NKAIN3: variants seen among roughly 807,000 people sequenced by gnomAD.
The protein encoded by NKAIN3 is sodium/potassium-transporting ATPase subunit beta-1-interacting protein 3.
In NKAIN3, 25 loss-of-function variants were observed where a neutral mutation model predicts 30.2. The ratio of observed to expected loss-of-function variants is 0.83; its 90% CI spans 0.60 to 1.16. The LOEUF (loss-of-function observed/expected upper bound fraction) is 1.16. Among genes scored for constraint, NKAIN3 ranks in the 50% most tolerant of loss-of-function variants. The probability of loss-of-function intolerance (pLI) is 0.00; values close to 1 mark genes in which losing one functional copy is unlikely to be tolerated. For missense variants in NKAIN3, 225 were observed against 254.1 expected (o/e 0.89, Z 0.78); for synonymous variants, 91 against 89.6 (o/e 1.02, Z -0.09).
rs1805236825 is a variant in NKAIN3, at chr8:62,438,575, T to C, written c.55-140964T>C. On this transcript the variant is annotated intron_variant, in intron 1 of 6. Coordinates refer to ENST00000623646, the MANE Select transcript of NKAIN3 (RefSeq NM_001304533.3). ...GTCATGAATAGCCACTATTTTTTTT[T>C]CTTTGAGAAGGAGGCTCACTCTGTC... is the stretch of plus-strand genomic sequence containing the variant. 2.6e-5 allele frequency among the ~76,000 whole-genome samples: 4 copies of C among 152,270 alleles called. No homozygotes were observed. The South Asian group carries it at 8.3e-4, about 32-fold the overall frequency.
At chr8:62,335,949 G>C (rs555100710) in intron 1 of NKAIN3, among the ~76,000 whole-genome samples, 2 of 152,104 alleles carry the variant, frequency 1.3e-5, no homozygotes, top group South Asian at 4.1e-4. Flanking sequence ...CTAGTTGAAA[G>C]GGTTCATCAG....
At chr8:62,644,390 A>T (rs1441043086) in intron 3 of NKAIN3, among the ~76,000 whole-genome samples, 1 of 151,914 alleles carries the variant, frequency 6.6e-6, no homozygotes, top group Non-Finnish European at 1.5e-5. Context: ...CAACATCCTG[A>T]TTAAGAAATA....
chr8:62,482,076 A>G (rs868779273), intron 1 of NKAIN3: 1 of 152,198 alleles, frequency 6.6e-6, no homozygotes, highest in African/African-American at 2.4e-5. Flanking sequence ...CCATCTCCCT[A>G]TCGTCACTTC....
intron 4 of NKAIN3, among the ~76,000 whole-genome samples, chr8:62,904,551 A>G (rs1455580): frequency 0.043 from 6,523 of 152,172 alleles, 405 homozygotes; most frequent in African/African-American, 0.13. Context: ...CATGGCAATA[A>G]CTCTGATGCA....
chr8:62,313,723 C>A (rs1232694874), intron 1 of NKAIN3, among the ~76,000 whole-genome samples: 1 of 152,160 alleles, frequency 6.6e-6, no homozygotes, highest in African/African-American at 2.4e-5. Flanking sequence ...AGAGTCCTTT[C>A]AAAAACTGTG....
rs925820947 is a variant in NKAIN3 at position 62,307,476 on chromosome 8, C to T, written c.54+58349C>T. Among the ~76,000 whole-genome samples the T allele has an allele frequency of 4.7e-5, 7 of 149,740 alleles. 2 individuals are homozygous for T. Among genetic ancestry groups the T allele is most frequent in the South Asian group, 4.1e-4 (2 of 4,822 alleles). ...ACTTGTCTTTTTTGAGCACCATGTG[C>T]GTCAGACACTTTACTAAGTACTAGG... On this transcript the variant is annotated intron_variant, in intron 1 of 6. Transcript: ENST00000623646.
At chr8:62,776,078 A>G (rs1586183719) in intron 4 of NKAIN3, among the ~76,000 whole-genome samples, 4 of 152,064 alleles carry the variant, frequency 2.6e-5, no homozygotes, top group African/African-American at 9.7e-5. Flanking sequence ...CCTGATATAA[A>G]TATGCCTACT....
intron 1 of NKAIN3, among the ~76,000 whole-genome samples, chr8:62,318,860 G>A (rs1814762877): frequency 6.6e-6 from 1 of 152,140 alleles, no homozygotes; most frequent in Admixed American, 6.5e-5. Context: ...AATGAGTTAG[G>A]GAGGATTCCC....
intron 4 of NKAIN3, among the ~76,000 whole-genome samples, chr8:62,819,154 T>TATATATATATAC (rs1554581355): frequency 2.1e-3 from 69 of 32,698 alleles, no homozygotes; most frequent in African/African-American, 4.9e-3. Flanking sequence ...TATATATACA[T>TATATATATATAC]ATATATATAT....
intron 1 of NKAIN3, among the ~76,000 whole-genome samples, chr8:62,286,437 G>A (rs1480436964): frequency 6.6e-6 from 1 of 152,016 alleles, no homozygotes; most frequent in African/African-American, 2.4e-5. Context: ...AAGCTAGAAG[G>A]AACAATACTG....
At chr8:62,643,632 G>A (rs981929689) in intron 3 of NKAIN3, among the ~76,000 whole-genome samples, 2 of 152,058 alleles carry the variant, frequency 1.3e-5, no homozygotes, top group Admixed American at 6.6e-5. Context: ...CAGAACATAG[G>A]GGGCAATAGG....
At chr8:62,368,506 T>C (rs1393160504) in intron 1 of NKAIN3, among the ~76,000 whole-genome samples, 3 of 152,116 alleles carry the variant, frequency 2.0e-5, no homozygotes, top group Non-Finnish European at 2.9e-5. Context: ...CACGTGAAAG[T>C]TGTCAGAATC....
intron 3 of NKAIN3, among the ~76,000 whole-genome samples, chr8:62,605,768 T>G (rs1811106077): frequency 6.6e-6 from 1 of 152,092 alleles, no homozygotes; most frequent in African/African-American, 2.4e-5. Context: ...TATTATTTTA[T>G]TTCAGGGATT....
intron 3 of NKAIN3, among the ~76,000 whole-genome samples, chr8:62,736,335 C>A (rs1815671888): frequency 6.6e-6 from 1 of 152,132 alleles, no homozygotes; most frequent in African/African-American, 2.4e-5. Flanking sequence ...GTCAAACTCT[C>A]CTTGGGCAAG....
intron 1 of NKAIN3, among the ~76,000 whole-genome samples, chr8:62,272,581 A>G (rs1812812467): frequency 6.6e-6 from 1 of 152,202 alleles, no homozygotes; most frequent in South Asian, 2.1e-4. Context: ...AATTGTACTC[A>G]GTACCAGCTT....
At chr8:62,672,129 C>T (rs1284159797) in intron 3 of NKAIN3, among the ~76,000 whole-genome samples, 2 of 152,170 alleles carry the variant, frequency 1.3e-5, no homozygotes, top group Non-Finnish European at 2.9e-5. Context: ...GCTCAGGCAA[C>T]CAACAAGTGT....
In NKAIN3 at chr8:62,885,115, A is replaced by G. The variant is rs911696323; in HGVS notation, c.472-33338A>G. On this transcript the variant is annotated intron_variant, in intron 4 of 6. Coordinates refer to ENST00000623646, the MANE Select transcript of NKAIN3 (RefSeq NM_001304533.3). Reference sequence around the variant, plus strand: ...TATGTTGCTTTTATCTAATGTTTGTATTCAATGCTATACAGTTCTCTTTAA... The same window carrying G: ...TATGTTGCTTTTATCTAATGTTTGTGTTCAATGCTATACAGTTCTCTTTAA... Among the ~76,000 whole-genome samples, 7 of 152,282 alleles carry G rather than the reference A, an allele frequency of 4.6e-5. No individual in the cohort carries two copies. The South Asian group carries it at 1.2e-3, about 27-fold the overall frequency.
Position 62,802,137 on chromosome 8 carries a change from G to A in NKAIN3, c.471+55008G>A, listed in dbSNP as rs569046872. On this transcript the variant is annotated intron_variant, in intron 4 of 6. Coordinates refer to ENST00000623646, the MANE Select transcript of NKAIN3 (RefSeq NM_001304533.3). ...AACTATGTGAAAAGACCAAATCTAC[G>A]TCTGATTGGTGTACCTGAAAGTGAC... Among the ~76,000 whole-genome samples, 12 of 152,298 alleles carry A rather than the reference G, an allele frequency of 7.9e-5. 1 individual carries two copies. The highest frequency in any genetic ancestry group is 3.9e-4 in the East Asian group (2 of 5,180).
intron 1 of NKAIN3, 116 bp downstream of exon 1, chr8:62,249,243 TCCGCCCGCCTCCCACCCTCCCCACCGC>T: frequency 1.2e-6 from 1 of 828,558 alleles, no homozygotes; most frequent in Non-Finnish European, 1.8e-6. Flanking sequence ...AACAGGGCGC[TCCGCCCGCCTCCCACCCTCCCCACCGC>T]CTGGCTGGGC....
Sources: gnomAD v4.1 joint callset for allele counts (sites outside exome capture counted in the v4.1 genomes callset) on GRCh38, gnomAD v4.1.1 for gene constraint, MANE v1.5 for transcripts, NCBI Gene and HGNC (gene_info 2026-07-23, HGNC 2026-07-21) for gene names.